The following ARHGAP29 variants were observed in gnomAD, a reference collection of about 807,000 sequenced individuals.
ARHGAP29 encodes the protein rho GTPase-activating protein 29.
ARHGAP29 carries 43 observed loss-of-function variants against 122.6 expected under a neutral mutation model. The observed-to-expected ratio is 0.35, with a 90% CI of 0.27 to 0.45. The LOEUF (loss-of-function observed/expected upper bound fraction) is 0.45, where lower values mean the gene tolerates loss of function less well. Ranked by LOEUF, ARHGAP29 falls within the 20% of genes least tolerant of loss-of-function variation. ARHGAP29 has a pLI of 1.00. For missense variants in ARHGAP29, 1,303 were observed against 1,477.2 expected (o/e 0.88, Z 1.93); for synonymous variants, 506 against 497.1 (o/e 1.02, Z -0.24).
chr1:94,204,161 A>T (rs543774797), intron 7 of ARHGAP29, among the ~76,000 whole-genome samples, 167 bp from the exon 8 acceptor site: 3,255 of 147,984 alleles, frequency 0.022, 72 homozygotes, highest in East Asian at 0.098. Context: ...TTTTTTTTTT[A>T]AAAAGAGACA....
intron 3 of ARHGAP29, among the ~76,000 whole-genome samples, chr1:94,216,669 G>T (rs978152281): frequency 6.6e-6 from 1 of 151,808 alleles, no homozygotes; most frequent in African/African-American, 2.4e-5. Flanking sequence ...TTTCTTTTTT[G>T]TTTACCAATT....
chr1:94,210,265 C>T (rs993574699), intron 3 of ARHGAP29, among the ~76,000 whole-genome samples: 1 of 152,132 alleles, frequency 6.6e-6, no homozygotes, highest in African/African-American at 2.4e-5. Flanking sequence ...AGAAGTCACT[C>T]TCTATTTTAA....
chr1:94,237,490 A>G lies in ARHGAP29; in HGVS notation c.-108T>C. The G allele has an allele frequency of 1.0e-6, 1 of 989,176 alleles. No individual in the cohort carries two copies. The allele number at this position is 989,176 out of a possible 1,614,324, so 61.3% of individuals were successfully genotyped here. A position where few individuals can be genotyped will look rare whatever the true frequency, so the allele number is the denominator to read the frequency against. On this transcript the variant is annotated 5_prime_UTR_variant, in exon 1 of 23. Transcript: ENST00000260526. ...GGCCGCCGCCACCGCCGAGGGCTGG[A>G]GCTCGCTGCCCCCATCCCCCACGGC...
At chr1:94,175,991 C>G (rs1649067351) in intron 22 of ARHGAP29, among the ~76,000 whole-genome samples, 1 of 152,198 alleles carries the variant, frequency 6.6e-6, no homozygotes, top group Non-Finnish European at 1.5e-5. Flanking sequence ...GTGTGAGCCA[C>G]CACACCTGGC....
At chr1:94,201,481 CTCCCTCCCTTCT>C (rs1277928857) in intron 12 of ARHGAP29, among the ~76,000 whole-genome samples, 95 of 150,700 alleles carry the variant, frequency 6.3e-4, no homozygotes, top group Middle Eastern at 3.4e-3. Context: ...CCCTTCTTTC[CTCCCTCCCTTCT>C]TTCCTTCCTT....
At chr1:94,310,817 A>C in the ARHGAP29 span, among the ~76,000 whole-genome samples, 1 of 152,146 alleles carries the variant, frequency 6.6e-6, no homozygotes, top group African/African-American at 2.4e-5. Context: ...AGGCCCAGGC[A>C]TGGGACAGGG....
chr1:94,264,854 A>G (rs956228964), intron 1 of ARHGAP29, among the ~76,000 whole-genome samples: 4 of 152,026 alleles, frequency 2.6e-5, no homozygotes, highest in Admixed American at 2.6e-4. Context: ...TTTTCTATGC[A>G]TTTGTTTAAT....
At chr1:94,222,868 GTC>G (rs1652386766) in intron 2 of ARHGAP29, among the ~76,000 whole-genome samples, 2 of 151,804 alleles carry the variant, frequency 1.3e-5, no homozygotes, top group Admixed American at 6.6e-5. Context: ...AAAAATAAAA[GTC>G]TATTTTTAAA....
chr1:94,190,058 T>C lies in ARHGAP29; in HGVS notation c.1307A>G (p.Gln436Arg). 1.2e-5 allele frequency: 19 copies of C among 1,613,304 alleles called. No individual in the cohort carries two copies. Among genetic ancestry groups the C allele is most frequent in the Non-Finnish European group, 1.6e-5 (19 of 1,179,496 alleles). ...KAVTVNLFHM[Q>R]HLQAASLADS... ...TGCAAGGGAAGCAGCCTGCAGATGC[T>C]GCATGTGGAAGAGGTTAACTGTTAC... Residue 436 changes from glutamine to arginine, a missense_variant, in exon 13 of 23, where the codon CAG becomes CGG. Physicochemically the swap from Gln to Arg is conservative, Grantham distance 43. Coordinates refer to ENST00000260526, the MANE Select transcript of ARHGAP29 (RefSeq NM_004815.4).
At chr1:94,233,246 C>A (rs1331036434) in intron 1 of ARHGAP29, among the ~76,000 whole-genome samples, 1 of 152,094 alleles carries the variant, frequency 6.6e-6, no homozygotes, top group African/African-American at 2.4e-5. Flanking sequence ...AGCCACCATG[C>A]CTGGCCCACT....
rs978598870 is a variant in ARHGAP29 at position 94,172,251 on chromosome 1, T to C, written c.*1618A>G. The C allele has an allele frequency of 6.6e-6, 1 of 152,116 alleles. No individual in the cohort carries two copies. Among genetic ancestry groups the C allele is most frequent in the Admixed American group, 6.6e-5 (1 of 15,260 alleles). 9.4% of individuals were successfully genotyped at this position (152,116 alleles called of 1,614,324 possible). ...CCACCCATTATAGGTTGCTGTGAAC[T>C]TGAAATAAAATAATCTATGTAGCAC... On this transcript the variant is annotated 3_prime_UTR_variant, in exon 23 of 23. Transcript: ENST00000260526.
the ARHGAP29 span, among the ~76,000 whole-genome samples, chr1:94,312,582 C>T: frequency 2.6e-5 from 4 of 151,990 alleles, no homozygotes; most frequent in African/African-American, 9.6e-5. Flanking sequence ...CAGGTGTGTG[C>T]CACCACACCC....
rs1361755319 is a variant in ARHGAP29 at position 94,173,147 on chromosome 1, T to C, written c.*722A>G. On this transcript the variant is annotated 3_prime_UTR_variant, in exon 23 of 23. Transcript: ENST00000260526. ...CCAAGGGGTGAAAAACTATCAAATG[T>C]ATTAAAACCATCTAAAGCCAAATAT... 6.6e-6 allele frequency: 1 copy of C among 152,620 alleles called. No homozygotes were observed. The highest frequency in any genetic ancestry group is 1.5e-5 in the Non-Finnish European group (1 of 68,006). 9.5% of individuals were successfully genotyped at this position (152,620 alleles called of 1,614,324 possible).
At chr1:94,178,685 G>A (rs1484396766) in intron 20 of ARHGAP29, among the ~76,000 whole-genome samples, 3 of 152,066 alleles carry the variant, frequency 2.0e-5, no homozygotes, top group African/African-American at 7.3e-5. Context: ...CCATATTGCT[G>A]CCAGAAATAT....
At chr1:94,292,847 A>G in the ARHGAP29 span, among the ~76,000 whole-genome samples, 2 of 152,168 alleles carry the variant, frequency 1.3e-5, no homozygotes, top group African/African-American at 4.8e-5. Flanking sequence ...TCAGCGGGGC[A>G]TCTGCCTGTA....
chr1:94,182,015 T>C (rs1260302622), intron 19 of ARHGAP29, among the ~76,000 whole-genome samples: 3 of 152,168 alleles, frequency 2.0e-5, no homozygotes, highest in South Asian at 2.1e-4. Context: ...TATTTCTTTA[T>C]GTGGCTACTA....
upstream of ARHGAP29, among the ~76,000 whole-genome samples, chr1:94,241,109 A>G (rs1459161672): frequency 1.3e-5 from 2 of 152,230 alleles, no homozygotes; most frequent in African/African-American, 4.8e-5. Context: ...CCTGCCCAAA[A>G]GGTCAATAGT....
At position 94,177,602 on chromosome 1, in the gene ARHGAP29, G is replaced by T. The variant is rs1557837246; in HGVS notation, c.2905+10C>A. 8 of 1,563,748 alleles carry T rather than the reference G, an allele frequency of 5.1e-6. No individual in the cohort carries two copies. The Admixed American group carries it at 7.7e-5, about 15-fold the overall frequency. The stretch of plus-strand genomic sequence containing the variant: ...CAGCAAACATATTTTTTTTTTACAT[G>T]GCTACTCACCACTGAGACATGCATC... On this transcript the variant is annotated intron_variant, in intron 22 of 22. Transcript: ENST00000260526.
At chr1:94,295,750 AT>A in the ARHGAP29 span, among the ~76,000 whole-genome samples, 1 of 152,198 alleles carries the variant, frequency 6.6e-6, no homozygotes, top group African/African-American at 2.4e-5. Flanking sequence ...ATTCCACACA[AT>A]GTGGAATCTT....
Sources: gnomAD v4.1 joint callset for allele counts (sites outside exome capture counted in the v4.1 genomes callset) on GRCh38, gnomAD v4.1.1 for gene constraint, MANE v1.5 for transcripts, NCBI Gene and HGNC (gene_info 2026-07-23, HGNC 2026-07-21) for gene names.